TET2: variants seen among roughly 807,000 people sequenced by gnomAD.
TET2 encodes the protein tet methylcytosine dioxygenase 2, also known as methylcytosine dioxygenase TET2.
Under a neutral mutation model 142.9 loss-of-function variants are expected in TET2, and 299 were observed. That is an observed-to-expected ratio of 2.09 (90% CI 1.90 to 2.30). The LOEUF (loss-of-function observed/expected upper bound fraction) is 2.30. Ranked by LOEUF, TET2 falls within the 30% of genes most tolerant of loss-of-function variation. The pLI, the probability that TET2 is intolerant of heterozygous loss-of-function variation, is 0.00. For missense variants in TET2, 2,418 were observed against 2,378.0 expected (o/e 1.02, Z -0.35); for synonymous variants, 819 against 849.0 (o/e 0.96, Z 0.61).
rs1237361962 is a variant in TET2, at chr4:105,278,521, A to G, written c.*2002A>G. On this transcript the variant is annotated 3_prime_UTR_variant, in exon 11 of 11. Transcript: ENST00000380013. ...TTCAGCTCATGCTCTCCCTATGCCA[A>G]CATGTCACCTGTGTTTATGTAAAAT... The G allele has an allele frequency of 1.7e-5, 4 of 230,602 alleles. No individual in the cohort carries two copies. Among genetic ancestry groups the G allele is most frequent in the Non-Finnish European group, 2.6e-5 (3 of 116,584 alleles). The allele number at this position is 230,602 out of a possible 1,614,324, so 14.3% of individuals were successfully genotyped here.
intron 1 of TET2, among the ~76,000 whole-genome samples, chr4:105,158,811 GAA>G (rs57197640): frequency 7.0e-6 from 1 of 143,330 alleles, no homozygotes. Flanking sequence ...CTCTTTTTTG[GAA>G]AAAAAAAAAG....
rs1216635281 is a variant in TET2 at position 105,241,335 on chromosome 4, A to G, written c.3410-4A>G. 8 of 1,543,430 alleles carry G rather than the reference A, an allele frequency of 5.2e-6. No individual in the cohort carries two copies. Among genetic ancestry groups the G allele is most frequent in the Non-Finnish European group, 6.1e-6 (7 of 1,143,260 alleles). On this transcript the variant is annotated splice_polypyrimidine_tract_variant and splice_region_variant and intron_variant, in intron 3 of 10. Transcript: ENST00000380013. ...AAAATAATAATCTTCTATTATCTCA[A>G]CAGAGCAAATTATTGAAAAAGATGA...
chr4:105,154,401 A>G (rs1033692407), intron 1 of TET2, among the ~76,000 whole-genome samples: 2 of 152,358 alleles, frequency 1.3e-5, no homozygotes, highest in African/African-American at 4.8e-5. Context: ...TTTGGATTGA[A>G]TGAGGCTAAG....
chr4:105,160,619 T>A (rs1226069692), intron 1 of TET2, among the ~76,000 whole-genome samples: 2 of 152,248 alleles, frequency 1.3e-5, no homozygotes, highest in African/African-American at 4.8e-5. Context: ...ATAGACTGTG[T>A]TTTTGTAATT....
At chr4:105,205,989 A>G (rs1287328193) in intron 2 of TET2, among the ~76,000 whole-genome samples, 2 of 152,232 alleles carry the variant, frequency 1.3e-5, no homozygotes, top group East Asian at 3.9e-4. Flanking sequence ...ACTTTTTTCT[A>G]TTGAAAATAC....
rs754174059 is a variant in TET2 at position 105,276,040 on chromosome 4, G to A, written c.5530G>A (p.Asp1844Asn). ...TGTGGCTTCTGGTGCAGAGGACAACGATGAGGTCTGGTCAGACAGCGAGCA... is the reference window on the plus strand; with the variant it reads ...TGTGGCTTCTGGTGCAGAGGACAACAATGAGGTCTGGTCAGACAGCGAGCA... The part of the protein sequence containing the change: ...QGVASGAEDN[D>N]EVWSDSEQSF... The change falls in exon 11 of 11, where the codon GAT becomes AAT. Residue 1844 changes from aspartate to asparagine, a missense_variant. Physicochemically the swap from Asp to Asn is conservative, Grantham distance 23. Transcript: ENST00000380013. 7.1e-6 allele frequency: 11 copies of A among 1,551,574 alleles called. No homozygotes were observed. Among genetic ancestry groups the A allele is most frequent in the Admixed American group, 5.9e-5 (3 of 50,986 alleles).
chr4:105,264,214 G>T (rs1237574111), intron 8 of TET2, among the ~76,000 whole-genome samples: 1 of 151,674 alleles, frequency 6.6e-6, no homozygotes, highest in Non-Finnish European at 1.5e-5. Context: ...TCTATGAAAA[G>T]TTTTTAAACA....
chr4:105,164,751 C>G (rs1429837563), intron 1 of TET2, among the ~76,000 whole-genome samples: 4 of 152,306 alleles, frequency 2.6e-5, no homozygotes, highest in Admixed American at 2.6e-4. Context: ...GCATAGCTTT[C>G]TCAGTATTGG....
At chr4:105,267,229 A>G (rs1578728363) in intron 8 of TET2, among the ~76,000 whole-genome samples, 1 of 152,062 alleles carries the variant, frequency 6.6e-6, no homozygotes, top group Admixed American at 6.6e-5. Flanking sequence ...ACAAACTAGC[A>G]CTTTAAAAAT....
Position 105,234,233 on chromosome 4 carries a change from A to G in TET2, c.291A>G (p.Thr97=). The G allele has an allele frequency of 6.2e-7, 1 of 1,614,184 alleles. No homozygotes were observed. Among genetic ancestry groups the G allele is most frequent in the Non-Finnish European group, 8.5e-7 (1 of 1,180,026 alleles). Residue 97 remains threonine (T), a synonymous_variant, in exon 3 of 11, where the codon ACA becomes ACG. Transcript: ENST00000380013. ...TGCAAAATGGAGGAATAAAACGCAC[A>G]GTTAGTGAACCTTCTCTCTCTGGGC... The part of the protein sequence containing the change: ...KCLQNGGIKR[T]VSEPSLSGLL...
At chr4:105,209,048 G>GATATAT (rs1726989922) in intron 2 of TET2, among the ~76,000 whole-genome samples, 1 of 23,748 alleles carries the variant, frequency 4.2e-5, no homozygotes, top group African/African-American at 1.3e-4. Context: ...CTCAAGGCAT[G>GATATAT]GTATATATAT....
At position 105,279,094 on chromosome 4, in the gene TET2, C is replaced by T. The variant is rs559666241; in HGVS notation, c.*2575C>T. ...TTTGTGGTTGTGTCCAATTTGCAAA[C>T]ATTTCCAAAAATGTTTGCTTTGCTT... On this transcript the variant is annotated 3_prime_UTR_variant, in exon 11 of 11. Transcript: ENST00000380013. 1 of 232,682 alleles carries T rather than the reference C, an allele frequency of 4.3e-6. No homozygotes were observed. Among genetic ancestry groups the T allele is most frequent in the East Asian group, 6.1e-5 (1 of 16,468 alleles). The allele number at this position is 232,682 out of a possible 1,614,324, so 14.4% of individuals were successfully genotyped here.
At chr4:105,256,481 T>C (rs897498558) in intron 6 of TET2, among the ~76,000 whole-genome samples, 2 of 152,132 alleles carry the variant, frequency 1.3e-5, no homozygotes, top group Admixed American at 6.5e-5. Flanking sequence ...ATTAATCTTA[T>C]TGGGAATCCT....
chr4:105,196,590 C>T (rs1407458145), intron 2 of TET2, among the ~76,000 whole-genome samples: 2 of 152,122 alleles, frequency 1.3e-5, no homozygotes, highest in East Asian at 3.8e-4. Flanking sequence ...AAATCTTTAC[C>T]GTGACATCGT....
chr4:105,229,562 G>C (rs574048430), intron 2 of TET2, among the ~76,000 whole-genome samples: 2 of 151,990 alleles, frequency 1.3e-5, no homozygotes, highest in Non-Finnish European at 2.9e-5. Flanking sequence ...GCCTGCCTCA[G>C]CCTCCCAAAG....
chr4:105,229,742 A>G (rs1194935647), intron 2 of TET2, among the ~76,000 whole-genome samples: 1 of 150,398 alleles, frequency 6.6e-6, no homozygotes, highest in African/African-American at 2.4e-5. Context: ...GCAAATTATT[A>G]TGGCCAGTTC....
At chr4:105,197,452 A>C (rs1048217803) in intron 2 of TET2, among the ~76,000 whole-genome samples, 2 of 152,204 alleles carry the variant, frequency 1.3e-5, no homozygotes, top group South Asian at 2.1e-4. Flanking sequence ...TCTGTTTTTC[A>C]CTGTCAGAGA....
At chr4:105,197,592 A>G (rs1209787183) in intron 2 of TET2, among the ~76,000 whole-genome samples, 7 of 152,182 alleles carry the variant, frequency 4.6e-5, no homozygotes, top group Admixed American at 2.6e-4. Context: ...CTAATACTGT[A>G]GATCTCTAGA....
chr4:105,270,157 C>T (rs1730882639), intron 9 of TET2, among the ~76,000 whole-genome samples: 1 of 152,126 alleles, frequency 6.6e-6, no homozygotes, highest in African/African-American at 2.4e-5. Context: ...TGTTGAGGAG[C>T]AGAACACTGG....
Sources: gnomAD v4.1 joint callset for allele counts (sites outside exome capture counted in the v4.1 genomes callset) on GRCh38, gnomAD v4.1.1 for gene constraint, MANE v1.5 for transcripts, NCBI Gene and HGNC (gene_info 2026-07-23, HGNC 2026-07-21) for gene names.